RPTOR: variants seen among roughly 807,000 people sequenced by gnomAD.
RPTOR encodes regulatory associated protein of MTOR complex 1, also known as regulatory-associated protein of mTOR.
Under a neutral mutation model 169.9 loss-of-function variants are expected in RPTOR, and 21 were observed. The ratio of observed to expected loss-of-function variants is 0.12; its 90% CI spans 0.09 to 0.18. RPTOR has a LOEUF of 0.18. Ranked by LOEUF, RPTOR falls within the 10% of genes least tolerant of loss-of-function variation. The pLI, the probability that RPTOR is intolerant of heterozygous loss-of-function variation, is 1.00. For synonymous variants in RPTOR, 732 were observed against 753.2 expected (o/e 0.97, Z 0.46); for missense variants, 1,133 against 1,855.9 (o/e 0.61, Z 7.16).
rs968171639 is a variant in RPTOR at position 80,936,721 on chromosome 17, G to A, written c.2920-3775G>A. ...CTACAGAGGGCGAAATTCACTGTAC[G>A]TAAGTTACATCTTCATCAACCTCAT... On this transcript the variant is annotated intron_variant, in intron 24 of 33. Transcript: ENST00000306801. This position sits in a 1 kb window ranked among gnomAD's most constrained non-coding sequence, Gnocchi z 4.1. Among the ~76,000 whole-genome samples, 5 of 152,218 alleles carry A rather than the reference G, an allele frequency of 3.3e-5. No individual in the cohort carries two copies. The highest frequency in any genetic ancestry group is 7.2e-5 in the African/African-American group (3 of 41,452).
At chr17:80,921,822 C>G (rs1310913884) in intron 21 of RPTOR, among the ~76,000 whole-genome samples, 1 of 152,184 alleles carries the variant, frequency 6.6e-6, no homozygotes, top group Non-Finnish European at 1.5e-5. Flanking sequence ...GCAGCCATCC[C>G]CTTCCCCTGC....
intron 17 of RPTOR, among the ~76,000 whole-genome samples, chr17:80,888,902 C>T (rs2068281816): frequency 6.6e-6 from 1 of 152,184 alleles, no homozygotes; most frequent in Non-Finnish European, 1.5e-5. Flanking sequence ...GCTGGGGGCA[C>T]AGGGAGGCCT....
chr17:80,846,842 T>C (rs2067736852), intron 11 of RPTOR, among the ~76,000 whole-genome samples: 1 of 152,232 alleles, frequency 6.6e-6, no homozygotes, highest in African/African-American at 2.4e-5. Flanking sequence ...CACCCTCAGA[T>C]AAGTGTAACT....
At chr17:80,837,205 C>CG (rs910472902) in intron 9 of RPTOR, among the ~76,000 whole-genome samples, 8 of 152,074 alleles carry the variant, frequency 5.3e-5, no homozygotes, top group African/African-American at 1.9e-4. Context: ...AGCACATCAC[C>CG]GGGGTCATCT....
intron 28 of RPTOR, among the ~76,000 whole-genome samples, chr17:80,956,589 T>G (rs895577789): frequency 1.3e-5 from 2 of 152,268 alleles, no homozygotes; most frequent in Non-Finnish European, 2.9e-5. Flanking sequence ...ACCCTCATCT[T>G]CAAGCCTTAA....
At chr17:80,645,704 C>T (rs908628957) in intron 3 of RPTOR, among the ~76,000 whole-genome samples, 2 of 152,128 alleles carry the variant, frequency 1.3e-5, no homozygotes, top group African/African-American at 2.4e-5. Flanking sequence ...TTTCTGTCTA[C>T]GAGCAGATCT....
At chr17:80,598,229 C>G (rs1196139081) in intron 1 of RPTOR, among the ~76,000 whole-genome samples, 1 of 152,032 alleles carries the variant, frequency 6.6e-6, no homozygotes. Context: ...GATGGGAATT[C>G]CAGATACTAT....
intron 1 of RPTOR, among the ~76,000 whole-genome samples, chr17:80,584,657 G>T (rs1024585666): frequency 2.0e-5 from 3 of 152,178 alleles, no homozygotes; most frequent in Non-Finnish European, 4.4e-5. Context: ...CTTCTTTGGG[G>T]CTTCCCCTTA....
intron 3 of RPTOR, among the ~76,000 whole-genome samples, chr17:80,703,506 C>T (rs2066118734): frequency 6.6e-6 from 1 of 152,128 alleles, no homozygotes; most frequent in Non-Finnish European, 1.5e-5. Context: ...GGCCTGACTG[C>T]AGACTTGAGC....
At chr17:80,679,389 G>A (rs1286167594) in intron 3 of RPTOR, among the ~76,000 whole-genome samples, 3 of 152,242 alleles carry the variant, frequency 2.0e-5, no homozygotes, top group Admixed American at 6.5e-5. Context: ...CTTCCGCACA[G>A]CCACGTTCTC....
Position 80,858,081 on chromosome 17 carries a change from C to T in RPTOR, c.1509+181C>T, listed in dbSNP as rs116620812. 2,496 of 610,362 alleles carry T rather than the reference C, an allele frequency of 4.1e-3. 60 individuals carry two copies. The highest frequency in any genetic ancestry group is 0.041 in the African/African-American group (2,220 of 54,692). The allele number at this position is 610,362 out of a possible 1,614,324, so 37.8% of individuals were successfully genotyped here. On this transcript the variant is annotated intron_variant, in intron 13 of 33. Coordinates refer to ENST00000306801, the MANE Select transcript of RPTOR (RefSeq NM_020761.3). Reference sequence around the variant, plus strand: ...CCCGCCTCGGCAGCCACCTCTGGGTCGTGGGGGCTGTCACCTACCTGTCCT... The same window carrying T: ...CCCGCCTCGGCAGCCACCTCTGGGTTGTGGGGGCTGTCACCTACCTGTCCT...
At chr17:80,697,121 G>A (rs1475509603) in intron 3 of RPTOR, among the ~76,000 whole-genome samples, 1 of 152,128 alleles carries the variant, frequency 6.6e-6, no homozygotes, top group Non-Finnish European at 1.5e-5. Flanking sequence ...GAGTGAGCAA[G>A]GTGAGGGGTT....
At chr17:80,916,253 G>A (rs572496769) in intron 21 of RPTOR, among the ~76,000 whole-genome samples, 1 of 152,366 alleles carries the variant, frequency 6.6e-6, no homozygotes, top group East Asian at 1.9e-4. Context: ...AGATAGGGCT[G>A]TGATGCCATC....
intron 7 of RPTOR, among the ~76,000 whole-genome samples, chr17:80,798,481 C>A (rs9889802): frequency 9.2e-5 from 14 of 151,858 alleles, no homozygotes; most frequent in African/African-American, 3.4e-4. Context: ...CTGCTTGGGA[C>A]ACCAGTCCCT....
chr17:80,599,573 G>C (rs570328738), intron 1 of RPTOR, among the ~76,000 whole-genome samples: 2 of 152,166 alleles, frequency 1.3e-5, no homozygotes, highest in South Asian at 4.1e-4. Context: ...CTGCCTGAAG[G>C]GCCTCCTAGA....
At chr17:80,563,440 G>A (rs1318851033) in intron 1 of RPTOR, among the ~76,000 whole-genome samples, 1 of 151,418 alleles carries the variant, frequency 6.6e-6, no homozygotes, top group Non-Finnish European at 1.5e-5. Context: ...GGCTGAGGCT[G>A]GAGAATCACT....
At chr17:80,594,090 CTCTTT>C (rs763477279) in intron 1 of RPTOR, among the ~76,000 whole-genome samples, 11 of 150,656 alleles carry the variant, frequency 7.3e-5, no homozygotes, top group Non-Finnish European at 1.5e-4. Context: ...CTTCTCTTTT[CTCTTT>C]TCTTTTCTTT....
At chr17:80,648,833 T>C (rs1488532784) in intron 3 of RPTOR, among the ~76,000 whole-genome samples, 1 of 151,942 alleles carries the variant, frequency 6.6e-6, no homozygotes, top group Non-Finnish European at 1.5e-5. Flanking sequence ...CAGTGGGAGG[T>C]AATCGAATCA....
At chr17:80,687,748 G>A (rs1195473968) in intron 3 of RPTOR, among the ~76,000 whole-genome samples, 2 of 152,206 alleles carry the variant, frequency 1.3e-5, no homozygotes, top group African/African-American at 4.8e-5. Flanking sequence ...TGCCTGTTTA[G>A]AGCGTCCCTT....
Sources: allele counts gnomAD v4.1 joint callset (sites outside exome capture counted in the v4.1 genomes callset), GRCh38; gene constraint gnomAD v4.1.1; non-coding constraint Gnocchi (gnomAD v3.1); transcripts MANE v1.5; gene names NCBI Gene and HGNC (gene_info 2026-07-23, HGNC 2026-07-21).